The following SNTB1 variants were observed in gnomAD, a reference collection of about 807,000 sequenced individuals.
The protein encoded by SNTB1 is beta-1-syntrophin.
SNTB1 carries 36 observed loss-of-function variants against 48.9 expected under a neutral mutation model. The observed-to-expected ratio is 0.74, with a 90% CI of 0.56 to 0.97. SNTB1 has a LOEUF of 0.97. Ranked by LOEUF, SNTB1 falls within the 50% of genes least tolerant of loss-of-function variation. SNTB1 has a pLI of 0.00. For synonymous variants in SNTB1, 299 were observed against 294.6 expected (o/e 1.01, Z -0.15); for missense variants, 786 against 703.4 (o/e 1.12, Z -1.33).
intron 1 of SNTB1, among the ~76,000 whole-genome samples, chr8:120,763,784 A>C (rs1480428957): frequency 7.2e-6 from 1 of 139,144 alleles, no homozygotes. Flanking sequence ...TACTCAACCT[A>C]TGATTTTTTT....
chr8:120,659,265 T>G (rs1143142), intron 2 of SNTB1, among the ~76,000 whole-genome samples: 89,617 of 151,924 alleles, frequency 0.59, 26,576 homozygotes, highest in South Asian at 0.71. Flanking sequence ...TGCCTGGCTA[T>G]TTTATGTAAT....
intron 2 of SNTB1, among the ~76,000 whole-genome samples, chr8:120,665,652 C>G (rs1817662986): frequency 6.6e-6 from 1 of 151,990 alleles, no homozygotes; most frequent in Admixed American, 6.6e-5. Context: ...TTTCCAAACT[C>G]AAATTCAAAA....
chr8:120,752,869 G>T (rs1819246089), intron 1 of SNTB1, among the ~76,000 whole-genome samples: 2 of 150,854 alleles, frequency 1.3e-5, no homozygotes, highest in Non-Finnish European at 2.9e-5. Flanking sequence ...TACCTATTGG[G>T]TACTATACTC....
chr8:120,751,274 T>C (rs1278699627), intron 1 of SNTB1, among the ~76,000 whole-genome samples: 1 of 152,120 alleles, frequency 6.6e-6, no homozygotes, highest in Non-Finnish European at 1.5e-5. Flanking sequence ...GTTGTCCACA[T>C]TAAGATGACA....
intron 2 of SNTB1, 119 bp downstream of exon 2, chr8:120,693,573 C>T: frequency 1.2e-6 from 1 of 818,054 alleles, no homozygotes; most frequent in Non-Finnish European, 2.0e-6. Flanking sequence ...CCCTTTCATG[C>T]TTTTCTTTGG....
chr8:120,744,473 C>T (rs1246168063), intron 1 of SNTB1, among the ~76,000 whole-genome samples: 1 of 152,124 alleles, frequency 6.6e-6, no homozygotes, highest in African/African-American at 2.4e-5. Flanking sequence ...ATCATTCTCA[C>T]CCCCTCAGAA....
At chr8:120,720,051 T>A (rs1818632576) in intron 1 of SNTB1, among the ~76,000 whole-genome samples, 1 of 152,214 alleles carries the variant, frequency 6.6e-6, no homozygotes, top group Admixed American at 6.5e-5. Context: ...CCATCAAACC[T>A]TCCAGTGATC....
chr8:120,801,734 G>A (rs1587175047), intron 1 of SNTB1, among the ~76,000 whole-genome samples: 2 of 152,186 alleles, frequency 1.3e-5, no homozygotes, highest in East Asian at 3.9e-4. Context: ...GATGGACATA[G>A]AGTTCTTCCA....
chr8:120,540,683 A>G (rs946941502), intron 6 of SNTB1, among the ~76,000 whole-genome samples: 3 of 152,208 alleles, frequency 2.0e-5, no homozygotes, highest in Non-Finnish European at 4.4e-5. Context: ...AAAATTTGAT[A>G]AAAATTCTGT....
chr8:120,680,902 A>G (rs1817919333), intron 2 of SNTB1, among the ~76,000 whole-genome samples: 1 of 152,008 alleles, frequency 6.6e-6, no homozygotes, highest in Non-Finnish European at 1.5e-5. Context: ...ACAGGTACGG[A>G]CATGGGCTAA....
intron 5 of SNTB1, among the ~76,000 whole-genome samples, chr8:120,545,128 G>C (rs1447605910): frequency 3.9e-5 from 6 of 152,116 alleles, no homozygotes; most frequent in Admixed American, 3.9e-4. Flanking sequence ...TGGATCACTT[G>C]AGGTCAGGCG....
chr8:120,724,500 T>A (rs1236335478), intron 1 of SNTB1, among the ~76,000 whole-genome samples: 1 of 152,158 alleles, frequency 6.6e-6, no homozygotes, highest in Non-Finnish European at 1.5e-5. Flanking sequence ...TGAGATTCCC[T>A]TTTAGGGAAC....
intron 3 of SNTB1, among the ~76,000 whole-genome samples, chr8:120,591,877 A>G (rs150418288): frequency 6.6e-6 from 1 of 152,212 alleles, no homozygotes; most frequent in East Asian, 1.9e-4. Flanking sequence ...ATCCATTTTC[A>G]TTAAATTGCA....
At chr8:120,614,650 A>T (rs910575635) in intron 3 of SNTB1, among the ~76,000 whole-genome samples, 1 of 152,212 alleles carries the variant, frequency 6.6e-6, no homozygotes, top group Non-Finnish European at 1.5e-5. Flanking sequence ...AGGGCTGGAC[A>T]TCAGTTTCCC....
intron 1 of SNTB1, among the ~76,000 whole-genome samples, chr8:120,756,468 G>A (rs912457695): frequency 1.3e-5 from 2 of 152,138 alleles, no homozygotes; most frequent in South Asian, 4.1e-4. Flanking sequence ...TTCACAGAGT[G>A]GGCTTTGGGA....
rs1198934943 is a variant in SNTB1 at position 120,537,876 on chromosome 8, C to T, written c.*1001G>A. 5 of 152,118 alleles carry T rather than the reference C, an allele frequency of 3.3e-5. No homozygotes were observed. Among genetic ancestry groups the T allele is most frequent in the Admixed American group, 3.3e-4 (5 of 15,268 alleles). 9.4% of individuals were successfully genotyped at this position (152,118 alleles called of 1,614,324 possible). On this transcript the variant is annotated 3_prime_UTR_variant, in exon 7 of 7. Transcript: ENST00000517992. ...TCTATATGTAAAACCCAGCATTATC[C>T]AGAATTAAATGAGGCTGCTTTATTA... is the stretch of plus-strand genomic sequence containing the variant.
intron 1 of SNTB1, among the ~76,000 whole-genome samples, chr8:120,748,371 T>A (rs189197713): frequency 1.3e-4 from 20 of 152,276 alleles, no homozygotes; most frequent in Middle Eastern, 3.4e-3. Flanking sequence ...TTGGTCGTCA[T>A]CCTTCCGTAG....
chr8:120,550,710 T>C (rs188504637), intron 4 of SNTB1, among the ~76,000 whole-genome samples: 1 of 152,194 alleles, frequency 6.6e-6, no homozygotes, highest in East Asian at 2.0e-4. Flanking sequence ...GGGCATTTTA[T>C]AATAAGTGAG....
intron 1 of SNTB1, among the ~76,000 whole-genome samples, chr8:120,755,057 G>A (rs1290503405): frequency 2.6e-5 from 4 of 152,120 alleles, no homozygotes; most frequent in Non-Finnish European, 5.9e-5. Flanking sequence ...ATGTCACCCA[G>A]TGTGGTTGCA....
Sources: allele counts gnomAD v4.1 joint callset (sites outside exome capture counted in the v4.1 genomes callset), GRCh38; gene constraint gnomAD v4.1.1; transcripts MANE v1.5; gene names NCBI Gene and HGNC (gene_info 2026-07-23, HGNC 2026-07-21).